ANKRD18A: variants seen among roughly 807,000 people sequenced by gnomAD.
ANKRD18A encodes ankyrin repeat domain 18A.
In ANKRD18A, 72 loss-of-function variants were observed where a neutral mutation model predicts 110.6. That is an observed-to-expected ratio of 0.65 (90% CI 0.54 to 0.79). The LOEUF (loss-of-function observed/expected upper bound fraction) is 0.79, where lower values mean the gene tolerates loss of function less well. ANKRD18A is among the 30% of genes least tolerant of loss of function. ANKRD18A has a pLI of 0.00. For synonymous variants in ANKRD18A, 305 were observed against 410.3 expected, an observed-to-expected ratio of 0.74 and a Z score of 3.10; for missense variants, 934 against 1,163.3, an observed-to-expected ratio of 0.80 and a Z score of 2.87.
chr9:38,607,481 T>G lies in ANKRD18A; in HGVS notation c.753A>C (p.Gln251His). The change falls in exon 6 of 16, where the codon CAA (glutamine) becomes CAC (histidine). Residue 251 changes from glutamine to histidine, a missense_variant. This residue lies in a region of ANKRD18A where 630 missense variants were observed against 797.5 expected (regional missense o/e 0.79). Coordinates refer to ENST00000399703, the MANE Select transcript of ANKRD18A (RefSeq NM_147195.4). ...GCATTTTATTTTTATGTTCCAAAAT[T>G]TGTTGTCGGATGCTATGCATAATAA... ...LCSDLRSIRQ[Q>H]ILEHKNKMLK... 6.7e-7 allele frequency: 1 copy of G among 1,501,906 alleles called. No homozygotes were observed. The highest frequency in any genetic ancestry group is 8.9e-7 in the Non-Finnish European group (1 of 1,121,674). The allele number at this position is 1,501,906 out of a possible 1,614,324, so 93.0% of individuals were successfully genotyped here. A position where few individuals can be genotyped will look rare whatever the true frequency, so the allele number is the denominator to read the frequency against.
At chr9:38,607,668 C>G (rs966597894) in intron 5 of ANKRD18A, among the ~76,000 whole-genome samples, 175 bp from the exon 6 acceptor site, 1 of 152,026 alleles carries the variant, frequency 6.6e-6, no homozygotes, top group African/African-American at 2.4e-5. Context: ...TCTAATTGAA[C>G]AAGAAAAACA....
chr9:38,607,027 T>C (rs1825390392), intron 6 of ANKRD18A, among the ~76,000 whole-genome samples: 1 of 152,070 alleles, frequency 6.6e-6, no homozygotes, highest in African/African-American at 2.4e-5. Context: ...TATTTTAAAC[T>C]GCTCTTTTAT....
At chr9:38,585,328 A>G (rs1391307711) in intron 12 of ANKRD18A, among the ~76,000 whole-genome samples, 1 of 152,176 alleles carries the variant, frequency 6.6e-6, no homozygotes, top group African/African-American at 2.4e-5. Context: ...TTCTTTATCA[A>G]TTGTCACCTA....
At chr9:38,589,004 T>G (rs1824514940) in intron 10 of ANKRD18A, among the ~76,000 whole-genome samples, 1 of 152,222 alleles carries the variant, frequency 6.6e-6, no homozygotes, top group Admixed American at 6.5e-5. Flanking sequence ...AGAAACATTG[T>G]CATTAATAGT....
chr9:38,607,035 T>C (rs1239338456), intron 6 of ANKRD18A, among the ~76,000 whole-genome samples: 13 of 152,126 alleles, frequency 8.5e-5, no homozygotes. Flanking sequence ...ACTGCTCTTT[T>C]ATGATTAAAA....
intron 15 of ANKRD18A, among the ~76,000 whole-genome samples, chr9:38,573,579 G>T (rs1173279556): frequency 1.3e-5 from 2 of 152,094 alleles, no homozygotes; most frequent in Non-Finnish European, 2.9e-5. Context: ...GCTGGGTGTG[G>T]TGGTGCATGC....
Position 38,586,306 on chromosome 9 carries a change from C to A in ANKRD18A, c.2124G>T (p.Lys708Asn), listed in dbSNP as rs747246412. Reference protein sequence around the residue: ...RELEEEATGYKKCLEMTINML... With the variant: ...RELEEEATGYNKCLEMTINML... Reference sequence around the variant, plus strand: ...TATTTATTGTCATTTCTAGGCATTTCTTATATCTGCAGAAATGTAAGAACT... The same window carrying A: ...TATTTATTGTCATTTCTAGGCATTTATTATATCTGCAGAAATGTAAGAACT... Residue 708 changes from lysine to asparagine, a missense_variant, in exon 12 of 16, where the codon AAG (lysine) becomes AAT (asparagine). Physicochemically the swap from Lys to Asn is moderately conservative, Grantham distance 94. Around this residue, in one of 4 missense-constraint regions of ANKRD18A, gnomAD observed 79 missense variants for 122.8 expected, o/e 0.64. Coordinates refer to ENST00000399703, the MANE Select transcript of ANKRD18A (RefSeq NM_147195.4). 3.2e-6 allele frequency: 5 copies of A among 1,574,558 alleles called. No homozygotes were observed. The Admixed American group carries it at 8.9e-5, about 28-fold the overall frequency.
intron 10 of ANKRD18A, among the ~76,000 whole-genome samples, chr9:38,591,743 T>C (rs1420164350): frequency 1.3e-5 from 2 of 152,286 alleles, no homozygotes; most frequent in Non-Finnish European, 2.9e-5. Flanking sequence ...CTTCTCTCTG[T>C]GTGACTCAGT....
chr9:38,609,201 C>T (rs957595214), intron 5 of ANKRD18A, among the ~76,000 whole-genome samples: 3 of 152,022 alleles, frequency 2.0e-5, no homozygotes, highest in South Asian at 2.1e-4. Flanking sequence ...AGCTGTGGGC[C>T]GGGCGCGGTG....
chr9:38,605,013 C>T (rs909517276), intron 6 of ANKRD18A: 3 of 160,110 alleles, frequency 1.9e-5, no homozygotes, highest in African/African-American at 7.2e-5. Context: ...CACGCTTACC[C>T]TAAATCCTAC....
In ANKRD18A at chr9:38,596,264, A is replaced by G; in HGVS notation, c.1076T>C (p.Ile359Thr). ...LRKEKKYIQEIKSITEINANF... is the reference protein window; with the variant it reads ...LRKEKKYIQETKSITEINANF... ...AGCATTTATTTCTGTAATGCTTTTA[A>G]TTTCCTGAATATATTTCTTTTCCTT... The change falls in exon 9 of 16, where the codon ATT becomes ACT. Residue 359 changes from isoleucine (I) to threonine (T), a missense_variant. Physicochemically the swap from Ile to Thr is moderately conservative, Grantham distance 89. Transcript: ENST00000399703. 1 of 1,538,530 alleles carries G rather than the reference A, an allele frequency of 6.5e-7. No individual in the cohort carries two copies. Among genetic ancestry groups the G allele is most frequent in the Non-Finnish European group, 8.7e-7 (1 of 1,143,432 alleles).
At chr9:38,618,290 C>T (rs2118913290) in intron 1 of ANKRD18A, among the ~76,000 whole-genome samples, 1 of 152,256 alleles carries the variant, frequency 6.6e-6, no homozygotes, top group East Asian at 1.9e-4. Flanking sequence ...TCAGAAGTTA[C>T]AAATTTTATC....
intron 14 of ANKRD18A, among the ~76,000 whole-genome samples, chr9:38,576,515 G>C (rs759341501): frequency 6.6e-5 from 10 of 152,114 alleles, no homozygotes; most frequent in Non-Finnish European, 1.0e-4. Context: ...CTTTCACAAG[G>C]ATGACTTTAT....
At position 38,620,359 on chromosome 9, in the gene ANKRD18A, C is replaced by G; in HGVS notation, c.-74G>C. The G allele has an allele frequency of 6.8e-7, 1 of 1,475,578 alleles. No individual in the cohort carries two copies. The highest frequency in any genetic ancestry group is 9.0e-7 in the Non-Finnish European group (1 of 1,105,672). The allele number at this position is 1,475,578 out of a possible 1,614,324, so 91.4% of individuals were successfully genotyped here. On this transcript the variant is annotated 5_prime_UTR_variant, in exon 1 of 16. Coordinates refer to ENST00000399703, the MANE Select transcript of ANKRD18A (RefSeq NM_147195.4). The stretch of plus-strand genomic sequence containing the variant: ...TCCTCGTGGCCTTTCCACCCCCACT[C>G]CGCCCCAAATCCGCGATCTCCCCCG...
intron 8 of ANKRD18A, among the ~76,000 whole-genome samples, chr9:38,598,219 A>T (rs1824972596): frequency 6.6e-6 from 1 of 152,218 alleles, no homozygotes; most frequent in Non-Finnish European, 1.5e-5. Context: ...GAATCTAGAC[A>T]TTATTTCTTT....
intron 10 of ANKRD18A, among the ~76,000 whole-genome samples, chr9:38,589,666 C>T (rs1055674135): frequency 1.5e-4 from 23 of 152,206 alleles, no homozygotes; most frequent in African/African-American, 5.1e-4. Flanking sequence ...CTCTCTGGTC[C>T]TCCTGATTCT....
chr9:38,598,394 T>C (rs1333799772), intron 8 of ANKRD18A, among the ~76,000 whole-genome samples: 1 of 152,230 alleles, frequency 6.6e-6, no homozygotes, highest in African/African-American at 2.4e-5. Context: ...ATAGCAGCAC[T>C]AATCTACTTT....
intron 3 of ANKRD18A, among the ~76,000 whole-genome samples, chr9:38,613,224 C>T (rs1372675338): frequency 6.6e-6 from 1 of 150,436 alleles, no homozygotes; most frequent in East Asian, 2.0e-4. Flanking sequence ...CTCTGCGCAG[C>T]AGACCAAGCA....
chr9:38,608,101 G>T (rs541965182), intron 5 of ANKRD18A, among the ~76,000 whole-genome samples: 3 of 152,262 alleles, frequency 2.0e-5, no homozygotes, highest in Non-Finnish European at 4.4e-5. Flanking sequence ...TTGTAGTTCA[G>T]AGCATTTTAG....
Sources: gnomAD v4.1 joint callset for allele counts (sites outside exome capture counted in the v4.1 genomes callset) on GRCh38, gnomAD v4.1.1 for gene constraint, gnomAD v4.1.1 regional missense constraint, MANE v1.5 for transcripts, NCBI Gene and HGNC (gene_info 2026-07-23, HGNC 2026-07-21) for gene names.